COL4A5: variants seen among roughly 807,000 people sequenced by gnomAD.
COL4A5 encodes collagen type IV alpha 5 chain, also known as collagen alpha-5(IV) chain.
A neutral mutation model predicts 130.2 loss-of-function variants in COL4A5; 26 were observed. That is an observed-to-expected ratio of 0.20 (90% confidence interval 0.15 to 0.28). The LOEUF (loss-of-function observed/expected upper bound fraction) is 0.28, where lower values mean the gene tolerates loss of function less well. Ranked by LOEUF, COL4A5 falls within the 10% of genes least tolerant of loss-of-function variation. The pLI is 1.00. For synonymous variants in COL4A5, 496 were observed against 439.6 expected (o/e 1.13, Z -1.60); for missense variants, 1,131 against 1,344.3 (o/e 0.84, Z 2.48).
chrX:108,522,085 T>C (rs768283785), intron 1 of COL4A5, among the ~76,000 whole-genome samples: 243 of 111,109 alleles, frequency 2.2e-3, no homozygotes, highest in Non-Finnish European at 2.5e-3. Flanking sequence ...TCTGGCTTCT[T>C]TCACTTAGCA....
chrX:108,541,848 T>G (rs2065545165), intron 2 of COL4A5, among the ~76,000 whole-genome samples: 1 of 112,046 alleles, frequency 8.9e-6, no homozygotes. Context: ...AGAAGTTTAA[T>G]CAATACTCTT....
chrX:108,637,156 A>G (rs928986979), intron 36 of COL4A5, among the ~76,000 whole-genome samples: 4 of 108,442 alleles, frequency 3.7e-5, no homozygotes, highest in Admixed American at 3.0e-4. Flanking sequence ...TTGGTCTTGA[A>G]CTCCTGACCT....
In COL4A5 at chrX:108,595,522, C is replaced by A; in HGVS notation, c.1437C>A (p.Asp479Glu). 8.3e-7 allele frequency: 1 copy of A among 1,211,754 alleles called. No individual in the cohort carries two copies. Among genetic ancestry groups the A allele is most frequent in the Non-Finnish European group, 1.1e-6 (1 of 895,282 alleles). ...TGATTTCACTAGGTGACAAAGGTGA[C>A]ACTTGCTTCAACTGCATTGGAACTG... ...GEQGVKGDKG[D>E]TCFNCIGTGI... The change falls in exon 22 of 53, where the codon GAC becomes GAA. Residue 479 changes from aspartate (D) to glutamate (E), a missense_variant. Coordinates refer to ENST00000328300, the MANE Select transcript of COL4A5 (RefSeq NM_033380.3).
chrX:108,549,586 C>A (rs981858689), intron 2 of COL4A5, among the ~76,000 whole-genome samples: 1 of 110,880 alleles, frequency 9.0e-6, no homozygotes, highest in Non-Finnish European at 1.9e-5. Context: ...GGGGTTAAAG[C>A]AGGGCATAGG....
At chrX:108,573,757 C>T in intron 9 of COL4A5, 103 bp downstream of exon 9, 1 of 595,360 alleles carries the variant, frequency 1.7e-6, no homozygotes, top group South Asian at 2.5e-5. Flanking sequence ...TAAAAATTAT[C>T]ATCAGATGTT....
Position 108,557,742 on chromosome X carries a change from G to T in COL4A5, c.142-1322G>T, listed in dbSNP as rs143213445. The stretch of plus-strand genomic sequence containing the variant: ...TGGCCCCTTAGTCAGCCACCTAGTA[G>T]ATATGGATGCTTTCTCTTTCTCACG... On this transcript the variant is annotated intron_variant, in intron 2 of 52. Transcript: ENST00000328300. 4.5e-3 allele frequency among the ~76,000 whole-genome samples: 501 copies of T among 110,439 alleles called. 2 individuals carry two copies. The highest frequency in any genetic ancestry group is 0.016 in the African/African-American group (480 of 30,336).
chrX:108,653,473 C>T (rs540879787), intron 36 of COL4A5, among the ~76,000 whole-genome samples: 94 of 110,451 alleles, frequency 8.5e-4, no homozygotes, highest in African/African-American at 3.0e-3. Flanking sequence ...GTTCAGGTTT[C>T]GAGAGGGATG....
At chrX:108,693,051 A>G (rs750387768) in intron 50 of COL4A5, 126 bp downstream of exon 50, 42 of 767,752 alleles carry the variant, frequency 5.5e-5, no homozygotes, top group Non-Finnish European at 7.7e-5. Context: ...ACCTCTTAAT[A>G]TTCAATTAAG....
In COL4A5 at chrX:108,668,546, CA is replaced by C. The variant is rs754313174; in HGVS notation, c.3790+43del. 2.1e-4 allele frequency: 221 copies of C among 1,031,226 alleles called. 1 individual carries two copies. The highest frequency in any genetic ancestry group is 6.4e-5 in the Non-Finnish European group (50 of 782,151). 85.0% of individuals were successfully genotyped at this position (1,031,226 alleles called of 1,213,427 possible). Reference sequence around the variant, plus strand: ...TAGGAGAATGGTCTATTTATTAGTCCATGTATTTCGTTTTGCTGGCAGGTTA... The same window carrying C: ...TAGGAGAATGGTCTATTTATTAGTCCTGTATTTCGTTTTGCTGGCAGGTTA... On this transcript the variant is annotated intron_variant, in intron 41 of 52. Coordinates refer to ENST00000328300, the MANE Select transcript of COL4A5 (RefSeq NM_033380.3).
At chrX:108,560,534 A>T (rs891882607) in intron 3 of COL4A5, among the ~76,000 whole-genome samples, 3 of 113,018 alleles carry the variant, frequency 2.7e-5, no homozygotes, top group Non-Finnish European at 5.6e-5. Context: ...CAGTGAGAAA[A>T]GTTGTCTGGA....
intron 1 of COL4A5, among the ~76,000 whole-genome samples, chrX:108,448,986 G>A (rs917711581): frequency 8.1e-4 from 91 of 111,975 alleles, no homozygotes; most frequent in African/African-American, 2.9e-3. Flanking sequence ...AACTATTCAT[G>A]TGTATCTCTT....
chrX:108,445,509 G>A (rs2064443584), intron 1 of COL4A5, among the ~76,000 whole-genome samples: 1 of 112,048 alleles, frequency 8.9e-6, no homozygotes, highest in African/African-American at 3.2e-5. Context: ...TAAAGACAAG[G>A]TTCTTCCCTT....
intron 1 of COL4A5, among the ~76,000 whole-genome samples, chrX:108,488,063 A>G (rs2064963851): frequency 8.9e-6 from 1 of 112,248 alleles, no homozygotes; most frequent in Non-Finnish European, 1.9e-5. Context: ...TCAGAATTTG[A>G]AATTTACAAT....
chrX:108,555,069 T>TG (rs1483267836), intron 2 of COL4A5, among the ~76,000 whole-genome samples: 2 of 112,435 alleles, frequency 1.8e-5, no homozygotes, highest in East Asian at 5.6e-4. Context: ...GCTAGACCCC[T>TG]GATGAGATCA....
chrX:108,644,464 C>T (rs918902047), intron 36 of COL4A5, among the ~76,000 whole-genome samples: 4 of 112,156 alleles, frequency 3.6e-5, no homozygotes, highest in Non-Finnish European at 7.5e-5. Context: ...GAACTTTCTC[C>T]AAGATAGACC....
chrX:108,651,952 G>T (rs895215089), intron 36 of COL4A5, among the ~76,000 whole-genome samples: 3 of 111,728 alleles, frequency 2.7e-5, no homozygotes, highest in Non-Finnish European at 5.7e-5. Flanking sequence ...GTTAATGGTT[G>T]CTCAATGGAT....
At chrX:108,536,678 G>C (rs888105606) in intron 1 of COL4A5, among the ~76,000 whole-genome samples, 1 of 111,061 alleles carries the variant, frequency 9.0e-6, no homozygotes, top group Non-Finnish European at 1.9e-5. Context: ...CAGAGCCTTT[G>C]TCAATACTTT....
At position 108,577,934 on chromosome X, in the gene COL4A5, T is replaced by C; in HGVS notation, c.610-18T>C. The C allele has an allele frequency of 8.5e-7, 1 of 1,172,071 alleles. No individual in the cohort carries two copies. The highest frequency in any genetic ancestry group is 1.2e-6 in the Non-Finnish European group (1 of 864,715). Reference sequence around the variant, plus strand: ...ATTAATATAACATTTTATTTTCTCTTTTGTCTTCTCTTCTTAGGGCCCTCC... The same window carrying C: ...ATTAATATAACATTTTATTTTCTCTCTTGTCTTCTCTTCTTAGGGCCCTCC... On this transcript the variant is annotated intron_variant, in intron 10 of 52. Transcript: ENST00000328300.
chrX:108,458,746 C>T (rs1038915462), intron 1 of COL4A5, among the ~76,000 whole-genome samples: 1 of 111,541 alleles, frequency 9.0e-6, no homozygotes, highest in African/African-American at 3.3e-5. Context: ...TTTGAGAGGC[C>T]GAGGCGGGTG....
Sources: gnomAD v4.1 joint callset for allele counts (sites outside exome capture counted in the v4.1 genomes callset) on GRCh38, gnomAD v4.1.1 for gene constraint, MANE v1.5 for transcripts, NCBI Gene and HGNC (gene_info 2026-07-23, HGNC 2026-07-21) for gene names.